Variants in ZNF605 observed in about 807,000 individuals in gnomAD.
The protein encoded by ZNF605 is zinc finger protein 605.
Under a neutral mutation model 7.9 loss-of-function variants are expected in ZNF605, and 9 were observed. The observed-to-expected ratio is 1.14, with a 90% CI of 0.68 to 1.98. The LOEUF is 1.98. Among genes scored for constraint, ZNF605 ranks in the 30% most tolerant of loss-of-function variants. The pLI is 0.00. For synonymous variants in ZNF605, 255 were observed against 260.1 expected (o/e 0.98, Z 0.19); for missense variants, 673 against 762.4 (o/e 0.88, Z 1.38).
rs1464590522 is a variant in ZNF605, at chr12:132,920,716, G to A, written c.*4657C>T. On this transcript the variant is annotated 3_prime_UTR_variant, in exon 5 of 5. Transcript: ENST00000360187. The stretch of plus-strand genomic sequence containing the variant: ...GGCAAGGTTTCACTCTGTCACTCAG[G>A]CTGGAATGCAGTGGCCCCATCATGG... 1 of 152,182 alleles carries A rather than the reference G, an allele frequency of 6.6e-6. No homozygotes were observed. Among genetic ancestry groups the A allele is most frequent in the Non-Finnish European group, 1.5e-5 (1 of 68,048 alleles). 9.4% of individuals were successfully genotyped at this position (152,182 alleles called of 1,614,324 possible).
rs1365360209 is a variant in ZNF605, at chr12:132,943,286, G to C, written c.15+2335C>G. ...AGGCAGGAGAATGGTGTGAACCCGGGAGGCGGAGCTTGCAGTGAGCAGAGA... is the reference window on the plus strand; with the variant it reads ...AGGCAGGAGAATGGTGTGAACCCGGCAGGCGGAGCTTGCAGTGAGCAGAGA... On this transcript the variant is annotated intron_variant, in intron 3 of 4. Coordinates refer to ENST00000360187, the MANE Select transcript of ZNF605 (RefSeq NM_183238.4). 8.6e-5 allele frequency among the ~76,000 whole-genome samples: 13 copies of C among 151,726 alleles called. 1 individual carries two copies. The highest frequency in any genetic ancestry group is 8.5e-4 in the Admixed American group (13 of 15,234).
chr12:132,925,485 A>T lies in ZNF605; in HGVS notation c.1814T>A (p.Met605Lys). 1.2e-6 allele frequency: 2 copies of T among 1,614,224 alleles called. No homozygotes were observed. The highest frequency in any genetic ancestry group is 1.7e-6 in the Non-Finnish European group (2 of 1,180,040). The change falls in exon 5 of 5, where the codon ATG becomes AAG. Residue 605 changes from methionine (M) to lysine (K), a missense_variant. Transcript: ENST00000360187. ...GKSFTRKSHLMRHQRIHTGDK... is the reference protein window; with the variant it reads ...GKSFTRKSHLKRHQRIHTGDK... ...TCCTGTATGAATCCTCTGATGCCTCATAAGGTGTGACTTTCTTGTGAAAGA... is the reference window on the plus strand; with the variant it reads ...TCCTGTATGAATCCTCTGATGCCTCTTAAGGTGTGACTTTCTTGTGAAAGA...
intron 1 of ZNF605, among the ~76,000 whole-genome samples, chr12:132,949,695 C>G (rs1952537043): frequency 1.3e-5 from 2 of 152,154 alleles, no homozygotes; most frequent in African/African-American, 2.4e-5. Flanking sequence ...TGAGGGGAGA[C>G]AGGTCCCAGT....
rs1309977929 is a variant in ZNF605, at chr12:132,922,919, C to G, written c.*2454G>C. 1 of 152,206 alleles carries G rather than the reference C, an allele frequency of 6.6e-6. No individual in the cohort carries two copies. The highest frequency in any genetic ancestry group is 2.4e-5 in the African/African-American group (1 of 41,442). The allele number at this position is 152,206 out of a possible 1,614,324, so 9.4% of individuals were successfully genotyped here. Reference sequence around the variant, plus strand: ...CCACTGTTCAAACCTATGAAGAAACCCCAGTCTCTAGAAGACAGCCTCAGG... The same window carrying G: ...CCACTGTTCAAACCTATGAAGAAACGCCAGTCTCTAGAAGACAGCCTCAGG... On this transcript the variant is annotated 3_prime_UTR_variant, in exon 5 of 5. Coordinates refer to ENST00000360187, the MANE Select transcript of ZNF605 (RefSeq NM_183238.4).
At position 132,924,458 on chromosome 12, in the gene ZNF605, G is replaced by C. The variant is rs1952228388; in HGVS notation, c.*915C>G. 6.6e-6 allele frequency: 1 copy of C among 152,204 alleles called. No individual in the cohort carries two copies. The highest frequency in any genetic ancestry group is 2.4e-5 in the African/African-American group (1 of 41,458). The allele number at this position is 152,204 out of a possible 1,614,324, so 9.4% of individuals were successfully genotyped here. ...AGTCAGTACTAAGTCAAAGGACTCA[G>C]GGGACTCCCAGCAGACTTCTTGAGC... is the stretch of plus-strand genomic sequence containing the variant. On this transcript the variant is annotated 3_prime_UTR_variant, in exon 5 of 5. Coordinates refer to ENST00000360187, the MANE Select transcript of ZNF605 (RefSeq NM_183238.4).
intron 3 of ZNF605, among the ~76,000 whole-genome samples, chr12:132,937,897 CGATAA>C (rs1952384380): frequency 6.6e-6 from 1 of 152,156 alleles, no homozygotes; most frequent in African/African-American, 2.4e-5. Flanking sequence ...AAGAAACTAC[CGATAA>C]GATATGAATG....
At position 132,951,139 on chromosome 12, in the gene ZNF605, G is replaced by A. The variant is rs957276586; in HGVS notation, c.-285-2869C>T. ...ACACACTGATACACAAGTACATCAC[G>A]CATACACACACACTGGTACATAACG... On this transcript the variant is annotated intron_variant, in intron 1 of 4. Coordinates refer to ENST00000360187, the MANE Select transcript of ZNF605 (RefSeq NM_183238.4). Among the ~76,000 whole-genome samples the A allele has an allele frequency of 7.6e-4, 108 of 141,966 alleles. 1 individual carries two copies. The highest frequency in any genetic ancestry group is 2.7e-3 in the African/African-American group (101 of 37,764). The allele number at this position is 141,966 out of a possible 152,430, so 93.1% of individuals were successfully genotyped here.
intron 4 of ZNF605, chr12:132,932,708 C>A: frequency 6.6e-7 from 1 of 1,520,908 alleles, no homozygotes; most frequent in Non-Finnish European, 8.8e-7. Flanking sequence ...CTGATTATTC[C>A]TCACCTGAAA....
chr12:132,925,798 C>T lies in ZNF605; in HGVS notation c.1501G>A (p.Gly501Arg). 3 of 1,614,148 alleles carry T rather than the reference C, an allele frequency of 1.9e-6. No individual in the cohort carries two copies. The highest frequency in any genetic ancestry group is 1.3e-5 in the African/African-American group (1 of 75,052). The change falls in exon 5 of 5, where the codon GGA (glycine) becomes AGA (arginine). Residue 501 changes from glycine (G) to arginine (R), a missense_variant. Transcript: ENST00000360187. ...SLIHHQRTHT[G>R]EKPFECSECR... is the part of the protein sequence containing the mutation. Reference sequence around the variant, plus strand: ...TCACTACATTCAAAGGGCTTTTCTCCAGTATGGGTTCTCTGATGATGAATG... The same window carrying T: ...TCACTACATTCAAAGGGCTTTTCTCTAGTATGGGTTCTCTGATGATGAATG...
At chr12:132,931,372 G>A (rs1046001092) in intron 4 of ZNF605, among the ~76,000 whole-genome samples, 2 of 151,900 alleles carry the variant, frequency 1.3e-5, no homozygotes, top group Non-Finnish European at 2.9e-5. Context: ...TCTTTATGGG[G>A]AAAAAAATCT....
At chr12:132,954,889 A>G (rs1194757307) in intron 1 of ZNF605, among the ~76,000 whole-genome samples, 1 of 152,090 alleles carries the variant, frequency 6.6e-6, no homozygotes, top group African/African-American at 2.4e-5. Context: ...CCTTGTCACA[A>G]ATACACAGCG....
intron 3 of ZNF605, among the ~76,000 whole-genome samples, chr12:132,934,798 G>T (rs1489609199): frequency 1.3e-5 from 2 of 151,862 alleles, no homozygotes; most frequent in Admixed American, 1.3e-4. Flanking sequence ...TACCTTTCAG[G>T]CCAGAGTGAA....
In ZNF605 at chr12:132,926,376, G is replaced by A; in HGVS notation, c.923C>T (p.Pro308Leu). The change falls in exon 5 of 5, where the codon CCC (proline) becomes CTC (leucine). Residue 308 changes from proline to leucine, a missense_variant. Coordinates refer to ENST00000360187, the MANE Select transcript of ZNF605 (RefSeq NM_183238.4). The part of the protein sequence containing the change: ...THQRAHTGEK[P>L]YPCSHCGKAF... The stretch of plus-strand genomic sequence containing the variant: ...TTTTCCACAGTGACTACATGGATAG[G>A]GTTTCTCTCCTGTGTGCGCTCTCTG... 1 of 1,614,004 alleles carries A rather than the reference G, an allele frequency of 6.2e-7. No individual in the cohort carries two copies. Among genetic ancestry groups the A allele is most frequent in the Non-Finnish European group, 8.5e-7 (1 of 1,179,988 alleles).
intron 3 of ZNF605, among the ~76,000 whole-genome samples, chr12:132,937,376 A>G (rs941590454): frequency 4.6e-5 from 7 of 151,944 alleles, no homozygotes; most frequent in South Asian, 2.1e-4. Flanking sequence ...AAAAAAAAAA[A>G]AAAAGAAAAT....
chr12:132,945,069 C>T (rs769119650), intron 3 of ZNF605: 34 of 303,940 alleles, frequency 1.1e-4, no homozygotes, highest in Non-Finnish European at 1.8e-4. Context: ...CTCACTGCAA[C>T]CTCCATCTCC....
intron 3 of ZNF605, among the ~76,000 whole-genome samples, chr12:132,937,373 A>T (rs1047328925): frequency 6.6e-6 from 1 of 151,850 alleles, no homozygotes; most frequent in Non-Finnish European, 1.5e-5. Context: ...AAAAAAAAAA[A>T]AAAAAAAGAA....
At position 132,925,448 on chromosome 12, in the gene ZNF605, A is replaced by G; in HGVS notation, c.1851T>C (p.Tyr617=). 1.2e-6 allele frequency: 2 copies of G among 1,614,064 alleles called. No homozygotes were observed. Among genetic ancestry groups the G allele is most frequent in the Non-Finnish European group, 1.7e-6 (2 of 1,179,972 alleles). Reference sequence around the variant, plus strand: ...AGGTGGTCCCACACTCATTGCATCCATAGTATTTATCTCCTGTATGAATCC... The same window carrying G: ...AGGTGGTCCCACACTCATTGCATCCGTAGTATTTATCTCCTGTATGAATCC... ...HQRIHTGDKY[Y]GCNECGTTFN... is the part of the protein sequence containing the mutation. The change falls in exon 5 of 5, where the codon TAT becomes TAC. Residue 617 remains tyrosine, a synonymous_variant. Transcript: ENST00000360187.
At chr12:132,934,858 C>G (rs1377101332) in intron 3 of ZNF605, among the ~76,000 whole-genome samples, 4 of 151,872 alleles carry the variant, frequency 2.6e-5, no homozygotes, top group Non-Finnish European at 2.9e-5. Context: ...AGAGACAAAA[C>G]GGGGATAAAA....
At chr12:132,946,119 C>T (rs2137156456) in intron 2 of ZNF605, among the ~76,000 whole-genome samples, 1 of 152,326 alleles carries the variant, frequency 6.6e-6, no homozygotes, top group African/African-American at 2.4e-5. Context: ...CCCTAGACTG[C>T]TCAGCACAGA....
Sources: gnomAD v4.1 joint callset for allele counts (sites outside exome capture counted in the v4.1 genomes callset) on GRCh38, gnomAD v4.1.1 for gene constraint, MANE v1.5 for transcripts, NCBI Gene and HGNC (gene_info 2026-07-23, HGNC 2026-07-21) for gene names.